HOOK3: variants seen among roughly 807,000 people sequenced by gnomAD.
HOOK3 encodes hook microtubule tethering protein 3, also known as protein Hook homolog 3.
In HOOK3, 24 loss-of-function variants were observed where a neutral mutation model predicts 116.3. That is an observed-to-expected ratio of 0.21 (90% CI 0.15 to 0.29). The LOEUF is 0.29. Ranked by LOEUF, HOOK3 falls within the 10% of genes least tolerant of loss-of-function variation. HOOK3 has a pLI of 1.00. For synonymous variants in HOOK3, 275 were observed against 283.0 expected (o/e 0.97, Z 0.28); for missense variants, 632 against 830.2 (o/e 0.76, Z 2.93).
intron 3 of HOOK3, among the ~76,000 whole-genome samples, chr8:42,928,280 A>C (rs76623607): frequency 2.1e-5 from 3 of 144,244 alleles, no homozygotes; most frequent in Admixed American, 2.1e-4. Context: ...TCTGTCTCAG[A>C]AAAAAAAAAA....
chr8:42,944,993 T>C (rs1345307852), intron 5 of HOOK3, among the ~76,000 whole-genome samples: 1 of 152,216 alleles, frequency 6.6e-6, no homozygotes, highest in East Asian at 1.9e-4. Context: ...ATTATATCAT[T>C]ATTATTACGT....
chr8:42,990,571 G>A (rs1181317315), intron 15 of HOOK3, among the ~76,000 whole-genome samples: 1 of 151,202 alleles, frequency 6.6e-6, no homozygotes, highest in African/African-American at 2.4e-5. Context: ...AAACTCCTGG[G>A]CTCAAGCAAT....
chr8:42,944,781 TGCACTTTA>T (rs1443116719), intron 5 of HOOK3, among the ~76,000 whole-genome samples: 2 of 152,158 alleles, frequency 1.3e-5, no homozygotes, highest in African/African-American at 2.4e-5. Flanking sequence ...ATTGTGCCAC[TGCACTTTA>T]GCCTGGGCAA....
chr8:43,025,119 G>T lies in HOOK3; in HGVS notation c.*6621G>T. 4.7e-6 allele frequency: 1 copy of T among 212,686 alleles called. No homozygotes were observed. Among genetic ancestry groups the T allele is most frequent in the Admixed American group, 5.8e-5 (1 of 17,132 alleles). 13.2% of individuals were successfully genotyped at this position (212,686 alleles called of 1,614,324 possible). A position where few individuals can be genotyped will look rare whatever the true frequency, so the allele number is the denominator to read the frequency against. On this transcript the variant is annotated 3_prime_UTR_variant, in exon 22 of 22. Coordinates refer to ENST00000307602, the MANE Select transcript of HOOK3 (RefSeq NM_032410.4). ...AGGGACATTTGTTTGAGAAACAAGA[G>T]ACCTGTACCTAATTATGGCAAGTAT...
intron 9 of HOOK3, among the ~76,000 whole-genome samples, chr8:42,965,980 C>T (rs932690923): frequency 6.6e-6 from 1 of 152,130 alleles, no homozygotes; most frequent in Non-Finnish European, 1.5e-5. Flanking sequence ...ATGTCACCAA[C>T]AGATGAATGT....
chr8:42,993,895 T>G (rs1196628584), intron 15 of HOOK3, among the ~76,000 whole-genome samples: 1 of 152,204 alleles, frequency 6.6e-6, no homozygotes, highest in Non-Finnish European at 1.5e-5. Context: ...CTCTCTTTTT[T>G]TCTTAGTCTG....
chr8:42,924,508 G>A (rs1441740526), intron 2 of HOOK3, among the ~76,000 whole-genome samples: 1 of 151,964 alleles, frequency 6.6e-6, no homozygotes, highest in Admixed American at 6.6e-5. Flanking sequence ...GTTCAGATGT[G>A]TCCAAAACCT....
At chr8:42,974,313 C>G in intron 13 of HOOK3, 119 bp downstream of exon 13, 1 of 622,746 alleles carries the variant, frequency 1.6e-6, no homozygotes, top group South Asian at 2.0e-5. Flanking sequence ...CAACCTCTGC[C>G]TCCTGGAACC....
chr8:43,013,186 T>G (rs756173807), intron 20 of HOOK3, 31 bp downstream of exon 20: 18 of 1,502,854 alleles, frequency 1.2e-5, no homozygotes, highest in Non-Finnish European at 1.6e-5. Context: ...ATAAAATAAT[T>G]GTGTTTTGAT....
At chr8:42,992,399 CAA>C (rs36048747) in intron 15 of HOOK3, among the ~76,000 whole-genome samples, 17 of 38,932 alleles carry the variant, frequency 4.4e-4, no homozygotes, top group African/African-American at 1.4e-3. Context: ...GACTCTGTCT[CAA>C]AAAAAAAAAA....
Position 42,956,736 on chromosome 8 carries a change from C to T in HOOK3, c.469-358C>T, listed in dbSNP as rs188004649. 5.1e-4 allele frequency among the ~76,000 whole-genome samples: 78 copies of T among 152,300 alleles called. No individual in the cohort carries two copies. The East Asian group carries it at 0.014, about 27-fold the overall frequency. ...AGTAGCTACGATTACAGGCAGGCGC[C>T]ACCATGCCCAGCTAATTTTTGTATT... On this transcript the variant is annotated intron_variant, in intron 6 of 21. Coordinates refer to ENST00000307602, the MANE Select transcript of HOOK3 (RefSeq NM_032410.4).
rs1491503965 is a variant in HOOK3 at position 43,011,448 on chromosome 8, CAT to C, written c.1839+1044_1839+1045del. Among the ~76,000 whole-genome samples the C allele has an allele frequency of 1.3e-4, 20 of 148,940 alleles. 1 individual carries two copies. In the South Asian group the frequency reaches 3.4e-3, roughly 25 times the overall value. On this transcript the variant is annotated intron_variant, in intron 19 of 21. Transcript: ENST00000307602. ...AAATAGCCTCCCAAATAAGTAACAG[CAT>C]GTGTGTGTGTGTGTGTGTGGAGAGA...
chr8:42,941,872 C>CCTA (rs1338221674), intron 4 of HOOK3, among the ~76,000 whole-genome samples: 1 of 152,066 alleles, frequency 6.6e-6, no homozygotes, highest in Non-Finnish European at 1.5e-5. Context: ...TGTGTCGTAT[C>CCTA]CCCCCACCTA....
chr8:42,922,879 C>CAAAA (rs796695239), intron 2 of HOOK3, among the ~76,000 whole-genome samples: 1 of 85,970 alleles, frequency 1.2e-5, no homozygotes, highest in Non-Finnish European at 2.5e-5. Context: ...GACTCTGTCT[C>CAAAA]AAAAAAAAAA....
At chr8:43,011,916 A>C (rs1809619658) in intron 19 of HOOK3, among the ~76,000 whole-genome samples, 1 of 152,130 alleles carries the variant, frequency 6.6e-6, no homozygotes, top group African/African-American at 2.4e-5. Context: ...TATTGGGTGG[A>C]GAAGTAAAAA....
At chr8:42,967,803 C>G (rs1436927558) in intron 10 of HOOK3, among the ~76,000 whole-genome samples, 1 of 151,610 alleles carries the variant, frequency 6.6e-6, no homozygotes, top group Non-Finnish European at 1.5e-5. Context: ...TGGCTGCCCT[C>G]TCCTGCTTGG....
chr8:42,902,696 C>G (rs1807215825), intron 1 of HOOK3, among the ~76,000 whole-genome samples: 1 of 152,166 alleles, frequency 6.6e-6, no homozygotes, highest in Non-Finnish European at 1.5e-5. Flanking sequence ...GCAACACACC[C>G]TTCTATAGGC....
chr8:42,903,350 T>TTTTTTTTTTTTTTTTTTTTTTTC (rs1563287035), intron 1 of HOOK3, among the ~76,000 whole-genome samples: 2 of 143,538 alleles, frequency 1.4e-5, no homozygotes, highest in African/African-American at 5.3e-5. Flanking sequence ...TTTTTTTTTT[T>TTTTTTTTTTTTTTTTTTTTTTTC]TTTTTTTTTT....
chr8:42,925,903 C>T (rs1221741269), intron 3 of HOOK3, among the ~76,000 whole-genome samples: 2 of 152,150 alleles, frequency 1.3e-5, no homozygotes, highest in Admixed American at 6.5e-5. Context: ...GTGTTGTGAC[C>T]TTCCTTTGCC....
Sources: allele counts gnomAD v4.1 joint callset (sites outside exome capture counted in the v4.1 genomes callset), GRCh38; gene constraint gnomAD v4.1.1; transcripts MANE v1.5; gene names NCBI Gene and HGNC (gene_info 2026-07-23, HGNC 2026-07-21).